SLC22A23: variants seen among roughly 807,000 people sequenced by gnomAD.
The protein encoded by SLC22A23 is solute carrier family 22 member 23.
A neutral mutation model predicts 61.0 loss-of-function variants in SLC22A23; 26 were observed. The observed-to-expected ratio is 0.43, with a 90% confidence interval of 0.31 to 0.59. The LOEUF is 0.59. Among genes scored for constraint, SLC22A23 ranks in the 20% least tolerant of loss-of-function variants. The pLI is 0.11. For synonymous variants in SLC22A23, 430 were observed against 413.9 expected (o/e 1.04, Z -0.47); for missense variants, 796 against 934.7 (o/e 0.85, Z 1.94).
chr6:3,423,479 C>T (rs1770282192), intron 1 of SLC22A23, among the ~76,000 whole-genome samples: 1 of 152,124 alleles, frequency 6.6e-6, no homozygotes, highest in Non-Finnish European at 1.5e-5. Context: ...CTACCAAAAC[C>T]TTGAAGAGTC....
intron 3 of SLC22A23, among the ~76,000 whole-genome samples, chr6:3,404,978 C>T (rs888714329): frequency 2.6e-5 from 4 of 151,428 alleles, no homozygotes; most frequent in South Asian, 2.1e-4. Context: ...AAAGATTTGT[C>T]GGCCAGGTGC....
chr6:3,299,112 G>A (rs1473897189), intron 4 of SLC22A23, among the ~76,000 whole-genome samples: 6 of 151,824 alleles, frequency 4.0e-5, no homozygotes, highest in Non-Finnish European at 8.8e-5. Flanking sequence ...AAATATGTAC[G>A]ATTACTATGT....
At chr6:3,361,058 A>AC (rs869221304) in intron 3 of SLC22A23, among the ~76,000 whole-genome samples, 46 of 61,472 alleles carry the variant, frequency 7.5e-4, no homozygotes, top group East Asian at 1.3e-3. Flanking sequence ...ATTTCTACCC[A>AC]CCCCCCCCAT....
Position 3,286,759 on chromosome 6 carries a change from T to C in SLC22A23, c.1546+100A>G. ...AAAGCAGCTCCTTCCAGCAGTAGAT[T>C]TTAGAGTGGCCAGCGGAGTCTTATG... On this transcript the variant is annotated intron_variant, in intron 7 of 9. Transcript: ENST00000406686. This position sits in a 1 kb window ranked among gnomAD's most constrained non-coding sequence, Gnocchi z 4.2. 1.9e-6 allele frequency: 2 copies of C among 1,039,300 alleles called. No homozygotes were observed. Among genetic ancestry groups the C allele is most frequent in the Non-Finnish European group, 1.4e-6 (1 of 705,104 alleles). The allele number at this position is 1,039,300 out of a possible 1,614,324, so 64.4% of individuals were successfully genotyped here. A position where few individuals can be genotyped will look rare whatever the true frequency, so the allele number is the denominator to read the frequency against.
At chr6:3,407,726 A>G (rs1246294717) in intron 3 of SLC22A23, among the ~76,000 whole-genome samples, 1 of 152,228 alleles carries the variant, frequency 6.6e-6, no homozygotes, top group Non-Finnish European at 1.5e-5. Context: ...ATTTGTCATG[A>G]TGTTTGTTTA....
At chr6:3,376,329 C>G (rs1293931212) in intron 3 of SLC22A23, among the ~76,000 whole-genome samples, 1 of 152,180 alleles carries the variant, frequency 6.6e-6, no homozygotes, top group Non-Finnish European at 1.5e-5. Flanking sequence ...TATCACGGAG[C>G]AAAGCAAACC....
intron 9 of SLC22A23, among the ~76,000 whole-genome samples, chr6:3,274,479 AGGCACCCCCTT>A (rs1295435186): frequency 6.6e-6 from 1 of 152,144 alleles, no homozygotes; most frequent in Non-Finnish European, 1.5e-5. Flanking sequence ...GCTGCTCGTT[AGGCACCCCCTT>A]GAAGTGAAGA....
chr6:3,296,062 A>G (rs1761058228), intron 5 of SLC22A23, among the ~76,000 whole-genome samples: 2 of 150,372 alleles, frequency 1.3e-5, no homozygotes, highest in East Asian at 1.9e-4. Context: ...CTATTCCCAG[A>G]CAATATTTTA....
At chr6:3,437,631 G>A (rs1197556676) in intron 1 of SLC22A23, among the ~76,000 whole-genome samples, 1 of 151,884 alleles carries the variant, frequency 6.6e-6, no homozygotes, top group African/African-American at 2.4e-5. Context: ...GGAGCTTGCA[G>A]AGAGCTGAGA....
chr6:3,284,186 G>A, intron 8 of SLC22A23: 1 of 466,836 alleles, frequency 2.1e-6, no homozygotes, highest in Non-Finnish European at 3.9e-6. Flanking sequence ...ATGAGTCCCT[G>A]TGCGTCAAGC....
chr6:3,435,370 T>C (rs1193283901), intron 1 of SLC22A23, among the ~76,000 whole-genome samples: 2 of 150,924 alleles, frequency 1.3e-5, no homozygotes, highest in African/African-American at 4.9e-5. Flanking sequence ...CCTTCCCCTC[T>C]CCGTCTCCCT....
At position 3,315,911 on chromosome 6, in the gene SLC22A23, G is replaced by A. The variant is rs1762614843; in HGVS notation, c.1082+7923C>T. Among the ~76,000 whole-genome samples, 3 of 152,102 alleles carry A rather than the reference G, an allele frequency of 2.0e-5. 1 individual carries two copies. The South Asian group carries it at 6.2e-4, about 32-fold the overall frequency. ...AAAAGAAAAGTGTGTGTCCAATGCA[G>A]CTGACTCACAGGATCTTCTTTTGCA... On this transcript the variant is annotated intron_variant, in intron 4 of 9. Transcript: ENST00000406686.
chr6:3,336,175 C>A (rs995562311), intron 3 of SLC22A23, among the ~76,000 whole-genome samples: 1 of 152,064 alleles, frequency 6.6e-6, no homozygotes, highest in African/African-American at 2.4e-5. Context: ...AGATTTGCAC[C>A]TCACCTAACT....
At chr6:3,418,063 G>A in intron 1 of SLC22A23, among the ~76,000 whole-genome samples, 1 of 152,212 alleles carries the variant, frequency 6.6e-6, no homozygotes, top group East Asian at 1.9e-4. Context: ...TGCACATTCT[G>A]TTTTTCCAGC....
At chr6:3,389,587 T>A (rs1767535242) in intron 3 of SLC22A23, among the ~76,000 whole-genome samples, 1 of 152,200 alleles carries the variant, frequency 6.6e-6, no homozygotes, top group Non-Finnish European at 1.5e-5. Context: ...CCTTTCTGTC[T>A]ACTGCTCTCT....
At chr6:3,302,989 G>A (rs1761723126) in intron 4 of SLC22A23, 1 of 152,084 alleles carries the variant, frequency 6.6e-6, no homozygotes, top group Non-Finnish European at 1.5e-5. Flanking sequence ...TAGAATATAT[G>A]AGGAACTCAA....
intron 3 of SLC22A23, among the ~76,000 whole-genome samples, chr6:3,359,141 A>G (rs1248664451): frequency 2.0e-5 from 3 of 152,212 alleles, no homozygotes; most frequent in African/African-American, 7.2e-5. Context: ...TGCATCCAGA[A>G]TCACAGATCA....
chr6:3,293,374 G>A (rs183060672), intron 5 of SLC22A23, among the ~76,000 whole-genome samples: 8 of 152,228 alleles, frequency 5.3e-5, no homozygotes, highest in Admixed American at 1.3e-4. Context: ...TTGGGAAGTA[G>A]AAAAAGCACC....
chr6:3,375,155 C>T (rs1766477890), intron 3 of SLC22A23, among the ~76,000 whole-genome samples: 1 of 151,978 alleles, frequency 6.6e-6, no homozygotes, highest in Non-Finnish European at 1.5e-5. Context: ...CAAATGACAA[C>T]AAGCTACAGG....
Sources: gnomAD v4.1 joint callset for allele counts (sites outside exome capture counted in the v4.1 genomes callset) on GRCh38, gnomAD v4.1.1 for gene constraint, Gnocchi (gnomAD v3.1) non-coding constraint, MANE v1.5 for transcripts, NCBI Gene and HGNC (gene_info 2026-07-23, HGNC 2026-07-21) for gene names.